SCARB1: variants seen among roughly 807,000 people sequenced by gnomAD.
SCARB1 encodes scavenger receptor class B member 1.
SCARB1 carries 30 observed loss-of-function variants against 57.2 expected under a neutral mutation model. The ratio of observed to expected loss-of-function variants is 0.52; its 90% CI spans 0.39 to 0.71. The LOEUF (loss-of-function observed/expected upper bound fraction) is 0.71, where lower values mean the gene tolerates loss of function less well. Ranked by LOEUF, SCARB1 falls within the 30% of genes least tolerant of loss-of-function variation. SCARB1 has a pLI of 0.00. For missense variants in SCARB1, 543 were observed against 671.2 expected (o/e 0.81, Z 2.11); for synonymous variants, 249 against 268.3 (o/e 0.93, Z 0.70).
Position 124,817,130 on chromosome 12 carries a change from GTGTA to G in SCARB1, c.284+416_284+419del, listed in dbSNP as rs1950764297. Among the ~76,000 whole-genome samples the G allele has an allele frequency of 1.3e-4, 5 of 38,724 alleles. No homozygotes were observed. The highest frequency in any genetic ancestry group is 1.5e-3 in the South Asian group (2 of 1,316). 25.4% of individuals were successfully genotyped at this position (38,724 alleles called of 152,430 possible). ...TATGTACGTGTGTATGTATGTATGTGTGTATGTGTATGTGTATGTGTGTGTATGT... is the reference window on the plus strand; with the variant it reads ...TATGTACGTGTGTATGTATGTATGTGTGTGTATGTGTATGTGTGTGTATGT... On this transcript the variant is annotated intron_variant, in intron 2 of 12. Transcript: ENST00000261693. The surrounding 1 kb of genome is among the most constrained non-coding windows in gnomAD (Gnocchi z 4.8).
At chr12:124,820,096 CCCAGCTGCCAGCACCAGAAG>C (rs1236200740) in intron 1 of SCARB1, among the ~76,000 whole-genome samples, 1 of 152,190 alleles carries the variant, frequency 6.6e-6, no homozygotes, top group Non-Finnish European at 1.5e-5. Context: ...TGTCTTCCTA[CCCAGCTGCCAGCACCAGAAG>C]GATCACCTTA....
Position 124,817,567 on chromosome 12 carries a change from G to A in SCARB1, c.267C>T (p.Arg89=), listed in dbSNP as rs758322505. 59 of 1,613,896 alleles carry A rather than the reference G, an allele frequency of 3.7e-5. No individual in the cohort carries two copies. Among genetic ancestry groups the A allele is most frequent in the Middle Eastern group, 1.6e-4 (1 of 6,082 alleles). ...LKGEKPQVRE[R]GPYVYREFRH... is the part of the protein sequence containing the mutation. ...AGCCTCACCTGTACACGTAGGGCCC[G>A]CGCTCCCGCACCTGCGGCTTCTCGC... Residue 89 remains arginine, a synonymous_variant, in exon 2 of 13, where the codon CGC becomes CGT. Coordinates refer to ENST00000261693, the MANE Select transcript of SCARB1 (RefSeq NM_005505.5). This position sits in a 1 kb window ranked among gnomAD's most constrained non-coding sequence, Gnocchi z 4.8.
Position 124,812,051 on chromosome 12 carries a change from TC to T in SCARB1, c.631-87del. 1 of 994,754 alleles carries T rather than the reference TC, an allele frequency of 1.0e-6. No individual in the cohort carries two copies. The highest frequency in any genetic ancestry group is 2.6e-5 in the East Asian group (1 of 37,832). 61.6% of individuals were successfully genotyped at this position (994,754 alleles called of 1,614,324 possible). ...CTGAACATTCTGGGCTGAGCCCTCCTCCCCCTCCACCAGAAGGACAGGGCCC... is the reference window on the plus strand; with the variant it reads ...CTGAACATTCTGGGCTGAGCCCTCCTCCCCTCCACCAGAAGGACAGGGCCC... On this transcript the variant is annotated intron_variant, in intron 4 of 12. Coordinates refer to ENST00000261693, the MANE Select transcript of SCARB1 (RefSeq NM_005505.5). The surrounding 1 kb of genome is among the most constrained non-coding windows in gnomAD (Gnocchi z 4.3).
At chr12:124,801,194 G>A (rs889478137) in intron 7 of SCARB1, among the ~76,000 whole-genome samples, 1 of 151,824 alleles carries the variant, frequency 6.6e-6, no homozygotes, top group Non-Finnish European at 1.5e-5. Context: ...GCAAGATCCT[G>A]TCTCAAAAGA....
chr12:124,799,361 C>CA (rs1344719212), intron 8 of SCARB1, among the ~76,000 whole-genome samples: 3 of 152,014 alleles, frequency 2.0e-5, no homozygotes, highest in Admixed American at 6.6e-5. Flanking sequence ...CGCGTCTCTA[C>CA]AAAAAATATA....
At chr12:124,853,390 GTTTTTTTT>G (rs757246980) in intron 1 of SCARB1, among the ~76,000 whole-genome samples, 1 of 122,536 alleles carries the variant, frequency 8.2e-6, no homozygotes. Context: ...GCATAGTTTT[GTTTTTTTT>G]TTTTTTTTTT....
chr12:124,785,880 C>A, intron 11 of SCARB1: 2 of 608,172 alleles, frequency 3.3e-6, no homozygotes, highest in South Asian at 2.4e-5. Context: ...TGGCTCTAAC[C>A]CCTCACAGCT....
At chr12:124,830,795 GA>G (rs1361102298) in intron 1 of SCARB1, among the ~76,000 whole-genome samples, 5 of 151,976 alleles carry the variant, frequency 3.3e-5, no homozygotes, top group African/African-American at 1.2e-4. Flanking sequence ...TTTTTAAAAA[GA>G]AAAAAATTAA....
chr12:124,842,235 C>T (rs546713829), intron 1 of SCARB1, among the ~76,000 whole-genome samples: 4 of 152,368 alleles, frequency 2.6e-5, no homozygotes, highest in African/African-American at 7.2e-5. Flanking sequence ...CATGCCAGTG[C>T]TGCCTCTGGC....
intron 12 of SCARB1, among the ~76,000 whole-genome samples, chr12:124,780,336 C>G (rs1293838602): frequency 6.6e-6 from 1 of 152,222 alleles, no homozygotes; most frequent in East Asian, 1.9e-4. Context: ...CTCATCTGCC[C>G]AGAGGGGCTG....
In SCARB1 at chr12:124,810,303, T is replaced by C. The variant is rs1390616443; in HGVS notation, c.727-14A>G. The C allele has an allele frequency of 6.3e-7, 1 of 1,587,170 alleles. No individual in the cohort carries two copies. Among genetic ancestry groups the C allele is most frequent in the Non-Finnish European group, 8.7e-7 (1 of 1,155,514 alleles). ...CCAGAAGTCAACCTGGGGGGAAGCA[T>C]CCAGACTAGACCCCTCAGTAGGGCC... On this transcript the variant is annotated splice_polypyrimidine_tract_variant and intron_variant, in intron 5 of 12. Coordinates refer to ENST00000261693, the MANE Select transcript of SCARB1 (RefSeq NM_005505.5). The surrounding 1 kb of genome is among the most constrained non-coding windows in gnomAD (Gnocchi z 4.0).
In SCARB1 at chr12:124,787,712, GT is replaced by G. The variant is rs374041503; in HGVS notation, c.1203-256del. ...ACTTTAAATCTTTAAAAGGCGTTTT[GT>G]TTTTTTTTTTCTTTAGTTGACAAGG... is the stretch of plus-strand genomic sequence containing the variant. On this transcript the variant is annotated intron_variant, in intron 9 of 12. Coordinates refer to ENST00000261693, the MANE Select transcript of SCARB1 (RefSeq NM_005505.5). Among the ~76,000 whole-genome samples, 16 of 130,036 alleles carry G rather than the reference GT, an allele frequency of 1.2e-4. No individual in the cohort carries two copies. The East Asian group carries it at 1.3e-3, about 10-fold the overall frequency. The allele number at this position is 130,036 out of a possible 152,430, so 85.3% of individuals were successfully genotyped here.
In SCARB1 at chr12:124,817,531, C is replaced by T. The variant is rs1566192713; in HGVS notation, c.284+19G>A. ...CAGCCTCAGCCGGCCCCTCCACCCT[C>T]ACCTGGACACAGCCTCACCTGTACA... is the stretch of plus-strand genomic sequence containing the variant. On this transcript the variant is annotated intron_variant, in intron 2 of 12. Coordinates refer to ENST00000261693, the MANE Select transcript of SCARB1 (RefSeq NM_005505.5). This position sits in a 1 kb window ranked among gnomAD's most constrained non-coding sequence, Gnocchi z 4.8. The T allele has an allele frequency of 1.2e-6, 2 of 1,612,970 alleles. No homozygotes were observed. The highest frequency in any genetic ancestry group is 1.3e-5 in the African/African-American group (1 of 75,054).
chr12:124,778,732 G>C (rs1406912398), intron 12 of SCARB1, 146 bp from the exon 13 acceptor site: 1 of 811,894 alleles, frequency 1.2e-6, no homozygotes, highest in Non-Finnish European at 1.7e-6. Flanking sequence ...AGAGACTGGA[G>C]TCACCTATAG....
At chr12:124,828,219 C>T (rs1951241293) in intron 1 of SCARB1, among the ~76,000 whole-genome samples, 1 of 151,788 alleles carries the variant, frequency 6.6e-6, no homozygotes, top group South Asian at 2.1e-4. Flanking sequence ...ATTTCATAGA[C>T]ATTAATTTTT....
At chr12:124,862,772 C>T (rs1297224271) in intron 1 of SCARB1, among the ~76,000 whole-genome samples, 2 of 152,172 alleles carry the variant, frequency 1.3e-5, no homozygotes, top group South Asian at 4.1e-4. Context: ...TAACTCCAGG[C>T]TCATTCAAAC....
At chr12:124,809,068 C>T (rs1337676860) in intron 6 of SCARB1, among the ~76,000 whole-genome samples, 2 of 152,066 alleles carry the variant, frequency 1.3e-5, no homozygotes, top group Admixed American at 6.5e-5. Flanking sequence ...TTGATAACAG[C>T]ATTATGGTTA....
chr12:124,830,120 A>G (rs1951328400), intron 1 of SCARB1, among the ~76,000 whole-genome samples: 1 of 152,200 alleles, frequency 6.6e-6, no homozygotes, highest in Non-Finnish European at 1.5e-5. Flanking sequence ...CTTAGTCATC[A>G]GAGAAATGTC....
chr12:124,778,640 C>T, intron 12 of SCARB1, 54 bp from the exon 13 acceptor site: 1 of 1,383,046 alleles, frequency 7.2e-7, no homozygotes, highest in Non-Finnish European at 9.3e-7. Context: ...CCAAACCCCA[C>T]CCTCATCCCC....
Sources: gnomAD v4.1 joint callset for allele counts (sites outside exome capture counted in the v4.1 genomes callset) on GRCh38, gnomAD v4.1.1 for gene constraint, Gnocchi (gnomAD v3.1) non-coding constraint, MANE v1.5 for transcripts, NCBI Gene and HGNC (gene_info 2026-07-23, HGNC 2026-07-21) for gene names.